The following ARHGAP44 variants were observed in gnomAD, a reference collection of about 807,000 sequenced individuals.
ARHGAP44 encodes rho GTPase-activating protein 44.
A neutral mutation model predicts 106.8 loss-of-function variants in ARHGAP44; 43 were observed. The ratio of observed to expected loss-of-function variants is 0.40; its 90% CI spans 0.32 to 0.52. The LOEUF (loss-of-function observed/expected upper bound fraction) is 0.52. Ranked by LOEUF, ARHGAP44 falls within the 20% of genes least tolerant of loss-of-function variation. ARHGAP44 has a pLI of 0.48. For synonymous variants in ARHGAP44, 439 were observed against 410.3 expected (o/e 1.07, Z -0.85); for missense variants, 866 against 1,050.5 (o/e 0.82, Z 2.43).
intron 3 of ARHGAP44, among the ~76,000 whole-genome samples, chr17:12,899,339 A>G (rs944010550): frequency 4.6e-5 from 7 of 152,186 alleles, no homozygotes; most frequent in African/African-American, 1.7e-4. Flanking sequence ...GCTTGTCATC[A>G]TATGACTGAA....
In ARHGAP44 at chr17:12,928,917, A is replaced by AT; in HGVS notation, c.465-8dup. ...CCTGTCTCACATCTCTTTTTCTCCTATTTTCCATCAGGTGGCAGCAGACTT... is the reference window on the plus strand; with the variant it reads ...CCTGTCTCACATCTCTTTTTCTCCTATTTTTCCATCAGGTGGCAGCAGACTT... On this transcript the variant is annotated splice_polypyrimidine_tract_variant and intron_variant, in intron 6 of 20. Coordinates refer to ENST00000379672, the MANE Select transcript of ARHGAP44 (RefSeq NM_014859.6). The AT allele has an allele frequency of 6.2e-7, 1 of 1,604,890 alleles. No homozygotes were observed. The highest frequency in any genetic ancestry group is 8.5e-7 in the Non-Finnish European group (1 of 1,175,650).
Position 12,958,653 on chromosome 17 carries a change from C to T in ARHGAP44, c.1343-64C>T. 3 of 1,520,150 alleles carry T rather than the reference C, an allele frequency of 2.0e-6. No individual in the cohort carries two copies. Among genetic ancestry groups the T allele is most frequent in the Non-Finnish European group, 9.0e-7 (1 of 1,107,078 alleles). 94.2% of individuals were successfully genotyped at this position (1,520,150 alleles called of 1,614,324 possible). On this transcript the variant is annotated intron_variant, in intron 15 of 20. Coordinates refer to ENST00000379672, the MANE Select transcript of ARHGAP44 (RefSeq NM_014859.6). The surrounding 1 kb of genome is among the most constrained non-coding windows in gnomAD (Gnocchi z 4.1). ...GGAGTGGGTGTCTGGACTCATTCCTCCCCTGCCCAGGAAGGGTGTGGCAGA... is the reference window on the plus strand; with the variant it reads ...GGAGTGGGTGTCTGGACTCATTCCTTCCCTGCCCAGGAAGGGTGTGGCAGA...
chr17:12,857,242 T>C (rs1325790322), intron 1 of ARHGAP44, among the ~76,000 whole-genome samples: 1 of 152,158 alleles, frequency 6.6e-6, no homozygotes, highest in Non-Finnish European at 1.5e-5. Flanking sequence ...GTTAGTTCAT[T>C]TTCTGTTGCT....
intron 1 of ARHGAP44, among the ~76,000 whole-genome samples, chr17:12,796,160 CTATCTATT>C (rs896260540): frequency 6.6e-6 from 1 of 151,686 alleles, no homozygotes; most frequent in African/African-American, 2.4e-5. Flanking sequence ...ATCTATCTAT[CTATCTATT>C]CTTTAAAAAG....
rs2037449392 is a variant in ARHGAP44, at chr17:12,903,237, T to A, written c.199-5660T>A. Among the ~76,000 whole-genome samples, 2 of 148,132 alleles carry A rather than the reference T, an allele frequency of 1.4e-5. 1 individual carries two copies. Among genetic ancestry groups the A allele is most frequent in the Non-Finnish European group, 3.0e-5 (2 of 66,878 alleles). On this transcript the variant is annotated intron_variant, in intron 3 of 20. Coordinates refer to ENST00000379672, the MANE Select transcript of ARHGAP44 (RefSeq NM_014859.6). The stretch of plus-strand genomic sequence containing the variant: ...ATGAGGCTTATTGTCTGGGTCATCC[T>A]ACAAACTGTGTTGCTTGTGCCCAAG...
chr17:12,792,651 C>G, intron 1 of ARHGAP44, among the ~76,000 whole-genome samples: 1 of 152,108 alleles, frequency 6.6e-6, no homozygotes, highest in East Asian at 1.9e-4. Flanking sequence ...TGATTTTTAT[C>G]CTTATATTTT....
At position 12,919,974 on chromosome 17, in the gene ARHGAP44, A is replaced by T. The variant is rs1255851175; in HGVS notation, c.464+143A>T. 4.6e-6 allele frequency: 3 copies of T among 650,908 alleles called. No individual in the cohort carries two copies. The East Asian group carries it at 8.5e-5, about 18-fold the overall frequency. The allele number at this position is 650,908 out of a possible 1,614,324, so 40.3% of individuals were successfully genotyped here. On this transcript the variant is annotated intron_variant, in intron 6 of 20. Transcript: ENST00000379672. ...CGTGTACCAGGCACTGGAGGTAGTC[A>T]CAGTGAACTCGAGACACTGGGTCCC... is the stretch of plus-strand genomic sequence containing the variant.
At chr17:12,839,338 A>G (rs8064230) in intron 1 of ARHGAP44, among the ~76,000 whole-genome samples, 55,704 of 152,080 alleles carry the variant, frequency 0.37, 14,517 homozygotes, top group African/African-American at 0.74. Flanking sequence ...AAACTTCTTT[A>G]ACCTGGGCCT....
intron 2 of ARHGAP44, among the ~76,000 whole-genome samples, chr17:12,895,815 T>C (rs935826806): frequency 3.7e-4 from 56 of 152,116 alleles, no homozygotes; most frequent in African/African-American, 1.2e-3. Flanking sequence ...ATGTTTATTG[T>C]GGCACTATTC....
intron 17 of ARHGAP44, chr17:12,973,879 A>G (rs2039593509): frequency 1.7e-6 from 1 of 604,304 alleles, no homozygotes; most frequent in East Asian, 2.9e-5. Context: ...CGCTCTTGCC[A>G]GGACTGGGCT....
chr17:12,929,065 C>T lies in ARHGAP44; in HGVS notation c.582+19C>T. ...TTGCAGGGTACCTGCCCTCTTTGCT[C>T]CTCTCTACTGGGACAGGCTGGGGAG... On this transcript the variant is annotated intron_variant, in intron 7 of 20. Coordinates refer to ENST00000379672, the MANE Select transcript of ARHGAP44 (RefSeq NM_014859.6). 6.3e-7 allele frequency: 1 copy of T among 1,596,400 alleles called. No homozygotes were observed. Among genetic ancestry groups the T allele is most frequent in the Non-Finnish European group, 8.6e-7 (1 of 1,169,454 alleles).
intron 7 of ARHGAP44, among the ~76,000 whole-genome samples, chr17:12,933,644 G>A (rs1357992908): frequency 6.6e-6 from 1 of 152,196 alleles, no homozygotes; most frequent in Non-Finnish European, 1.5e-5. Flanking sequence ...AATAAGAGGA[G>A]AGAAAGTGAA....
rs560505598 is a variant in ARHGAP44 at position 12,954,104 on chromosome 17, G to A, written c.1136+1523G>A. Among the ~76,000 whole-genome samples the A allele has an allele frequency of 4.0e-5, 6 of 150,446 alleles. No homozygotes were observed. In the South Asian group the frequency reaches 1.3e-3, roughly 32 times the overall value. ...GTAGAGACGGGGTTTCACCATGTTAGCCAGGCTGGTCTCAAACTCCTGGCC... is the reference window on the plus strand; with the variant it reads ...GTAGAGACGGGGTTTCACCATGTTAACCAGGCTGGTCTCAAACTCCTGGCC... On this transcript the variant is annotated intron_variant, in intron 13 of 20. Transcript: ENST00000379672.
chr17:12,801,796 C>CT (rs2034100764), intron 1 of ARHGAP44, among the ~76,000 whole-genome samples: 1 of 151,916 alleles, frequency 6.6e-6, no homozygotes, highest in Admixed American at 6.6e-5. Flanking sequence ...AAAATGTTAT[C>CT]TCTGGGCAGG....
chr17:12,943,793 C>A, intron 9 of ARHGAP44, 124 bp downstream of exon 9: 2 of 1,092,434 alleles, frequency 1.8e-6, no homozygotes, highest in Non-Finnish European at 2.7e-6. Context: ...TGTAGATGAG[C>A]CTTTTGGACT....
At chr17:12,844,904 G>A (rs2035520294) in intron 1 of ARHGAP44, among the ~76,000 whole-genome samples, 1 of 152,158 alleles carries the variant, frequency 6.6e-6, no homozygotes, top group African/African-American at 2.4e-5. Flanking sequence ...GTTATCGGAA[G>A]CAGAACTGAC....
At chr17:12,985,088 G>A in intron 20 of ARHGAP44, 180 bp downstream of exon 20, 2 of 720,474 alleles carry the variant, frequency 2.8e-6, no homozygotes, top group Non-Finnish European at 2.2e-6. Context: ...AGCAACCCTG[G>A]AATCCATGTG....
In ARHGAP44 at chr17:12,949,077, G is replaced by T. The variant is rs558172351; in HGVS notation, c.862-63G>T. 3.4e-6 allele frequency: 5 copies of T among 1,458,376 alleles called. No homozygotes were observed. In the East Asian group the frequency reaches 7.4e-5, roughly 22 times the overall value. 90.3% of individuals were successfully genotyped at this position (1,458,376 alleles called of 1,614,324 possible). On this transcript the variant is annotated intron_variant, in intron 10 of 20. Coordinates refer to ENST00000379672, the MANE Select transcript of ARHGAP44 (RefSeq NM_014859.6). This position sits in a 1 kb window ranked among gnomAD's most constrained non-coding sequence, Gnocchi z 4.1. ...GAGAAAAGAAGCAGGCAGTTGCGGGGTCTCTGCGCTTTGATGTTGTACCTT... is the reference window on the plus strand; with the variant it reads ...GAGAAAAGAAGCAGGCAGTTGCGGGTTCTCTGCGCTTTGATGTTGTACCTT...
At chr17:12,985,098 G>A in intron 20 of ARHGAP44, 190 bp downstream of exon 20, 1 of 677,426 alleles carries the variant, frequency 1.5e-6, no homozygotes, top group South Asian at 2.2e-5. Flanking sequence ...GAATCCATGT[G>A]TCCCACACAG....
Sources: gnomAD v4.1 joint callset for allele counts (sites outside exome capture counted in the v4.1 genomes callset) on GRCh38, gnomAD v4.1.1 for gene constraint, Gnocchi (gnomAD v3.1) non-coding constraint, MANE v1.5 for transcripts, NCBI Gene and HGNC (gene_info 2026-07-23, HGNC 2026-07-21) for gene names.